The following GATM variants were observed in gnomAD, a reference collection of about 807,000 sequenced individuals.
GATM encodes the protein glycine amidinotransferase, mitochondrial.
In GATM, 23 loss-of-function variants were observed where a neutral mutation model predicts 54.2. The observed-to-expected ratio is 0.42, with a 90% confidence interval of 0.31 to 0.60. The LOEUF (loss-of-function observed/expected upper bound fraction) is 0.60. Ranked by LOEUF, GATM falls within the 20% of genes least tolerant of loss-of-function variation. GATM has a pLI of 0.14. For synonymous variants in GATM, 168 were observed against 183.1 expected (o/e 0.92, Z 0.67); for missense variants, 401 against 544.9 (o/e 0.74, Z 2.63).
At position 45,376,781 on chromosome 15, in the gene GATM, G is replaced by A. The variant is rs768569503; in HGVS notation, c.108C>T (p.Phe36=). The change falls in exon 2 of 9, where the codon TTC becomes TTT. Residue 36 remains phenylalanine, a synonymous_variant. Coordinates refer to ENST00000396659, the MANE Select transcript of GATM (RefSeq NM_001482.3). Reference sequence around the variant, plus strand: ...AAGCCGTAGCTGCCTGGGTGCTCTGGAAAGTTCGCTGCACCCATCCTGTCA... The same window carrying A: ...AAGCCGTAGCTGCCTGGGTGCTCTGAAAAGTTCGCTGCACCCATCCTGTCA... ...RTLTGWVQRT[F]QSTQAATASS... 2.5e-6 allele frequency: 4 copies of A among 1,614,118 alleles called. No homozygotes were observed. The South Asian group carries it at 4.4e-5, about 18-fold the overall frequency.
intron 3 of GATM, among the ~76,000 whole-genome samples, chr15:45,387,083 A>C (rs529004594): frequency 6.6e-6 from 1 of 152,358 alleles, no homozygotes; most frequent in East Asian, 1.9e-4. Flanking sequence ...ATAAGATGGA[A>C]ATGGAATGAC....
intron 3 of GATM, among the ~76,000 whole-genome samples, chr15:45,394,267 G>A (rs1889903250): frequency 6.6e-6 from 1 of 152,156 alleles, no homozygotes; most frequent in Non-Finnish European, 1.5e-5. Context: ...TCTAGGTTGT[G>A]CGTTCCTTAT....
chr15:45,378,724 G>A, upstream of GATM: 1 of 365,860 alleles, frequency 2.7e-6, no homozygotes, highest in East Asian at 4.8e-5. Flanking sequence ...TTTAGCCAGC[G>A]GGGCCACTGA....
intron 1 of GATM, chr15:45,377,481 T>C (rs1052311298): frequency 5.9e-6 from 2 of 339,326 alleles, no homozygotes; most frequent in African/African-American, 4.3e-5. Context: ...AGCTCAGGCG[T>C]AAATTCAAAC....
At chr15:45,376,896 G>T in intron 1 of GATM, 77 bp from the exon 2 acceptor site, 2 of 1,357,336 alleles carry the variant, frequency 1.5e-6, no homozygotes, top group Non-Finnish European at 2.1e-6. Flanking sequence ...TGGAGATGGA[G>T]TAAAAATCCA....
rs1162027085 is a variant in GATM, at chr15:45,362,300, G to C, written c.1160-79C>G. The C allele has an allele frequency of 1.1e-5, 9 of 856,066 alleles. No individual in the cohort carries two copies. In the African/African-American group the frequency reaches 1.5e-4, roughly 14 times the overall value. The allele number at this position is 856,066 out of a possible 1,614,324, so 53.0% of individuals were successfully genotyped here. ...TAGAGAAAGTAGGCCTACAGACTTG[G>C]AGGAGTCCTGTGGTTCTAATCCTTA... On this transcript the variant is annotated intron_variant, in intron 8 of 8. Transcript: ENST00000396659.
chr15:45,395,423 AACAG>A (rs912048415), intron 3 of GATM, among the ~76,000 whole-genome samples: 1 of 152,232 alleles, frequency 6.6e-6, no homozygotes, highest in African/African-American at 2.4e-5. Flanking sequence ...TATTTGAGGA[AACAG>A]ACAGATTTAA....
In GATM at chr15:45,368,169, C is replaced by T. The variant is rs759135975; in HGVS notation, c.576G>A (p.Glu192=). 4.3e-6 allele frequency: 7 copies of T among 1,614,088 alleles called. No individual in the cohort carries two copies. The highest frequency in any genetic ancestry group is 1.7e-5 in the Admixed American group (1 of 60,016). ...TGATAATTGACCTGTACGCTCGGTA[C>T]TCAAAGAAGCGTGAACGCCATGCCA... is the stretch of plus-strand genomic sequence containing the variant. The part of the protein sequence containing the change: ...APMAWRSRFF[E]YRAYRSIIKD... The change falls in exon 4 of 9, where the codon GAG becomes GAA. Residue 192 remains glutamate, a synonymous_variant. Coordinates refer to ENST00000396659, the MANE Select transcript of GATM (RefSeq NM_001482.3). This position sits in a 1 kb window ranked among gnomAD's most constrained non-coding sequence, Gnocchi z 5.1.
exon 1 of GATM, chr15:45,402,122 A>G: frequency 2.5e-6 from 1 of 405,634 alleles, no homozygotes; most frequent in African/African-American, 2.1e-5. Flanking sequence ...CCACCAAAGT[A>G]CATGCTTAAT....
At chr15:45,383,770 C>T (rs1889773212) in intron 3 of GATM, among the ~76,000 whole-genome samples, 1 of 152,106 alleles carries the variant, frequency 6.6e-6, no homozygotes, top group East Asian at 1.9e-4. Flanking sequence ...TCTCGAACTC[C>T]TGACCTCACA....
chr15:45,362,574 A>T (rs938999162), intron 8 of GATM, among the ~76,000 whole-genome samples: 1 of 152,222 alleles, frequency 6.6e-6, no homozygotes, highest in Non-Finnish European at 1.5e-5. Flanking sequence ...TAATTTTACC[A>T]TGTTAATTTA....
intron 1 of GATM, among the ~76,000 whole-genome samples, chr15:45,401,416 G>A (rs1339136603): frequency 6.6e-6 from 1 of 152,160 alleles, no homozygotes; most frequent in Non-Finnish European, 1.5e-5. Context: ...GGAAAATAGA[G>A]GTAGGAAGAT....
chr15:45,378,210 A>T (rs1018240111), intron 1 of GATM, 175 bp downstream of exon 1: 4 of 505,040 alleles, frequency 7.9e-6, no homozygotes, highest in Non-Finnish European at 1.4e-5. Flanking sequence ...GGAGCCTGCG[A>T]AGGCTCTTGA....
chr15:45,396,021 A>C (rs1400726443), intron 3 of GATM: 2 of 152,236 alleles, frequency 1.3e-5, no homozygotes, highest in Admixed American at 1.3e-4. Flanking sequence ...TTCTGTCCTT[A>C]AAGGGTTTAG....
chr15:45,362,992 G>C (rs1287642874), intron 8 of GATM, among the ~76,000 whole-genome samples: 1 of 152,154 alleles, frequency 6.6e-6, no homozygotes, highest in Non-Finnish European at 1.5e-5. Context: ...CATTCAGAAA[G>C]ACTTTCCTAG....
At chr15:45,384,328 A>C (rs1889779914) in intron 3 of GATM, among the ~76,000 whole-genome samples, 1 of 152,218 alleles carries the variant, frequency 6.6e-6, no homozygotes, top group East Asian at 1.9e-4. Context: ...TAAAGACTGC[A>C]TGGTAATGAG....
chr15:45,374,954 A>G (rs771700523), intron 2 of GATM, among the ~76,000 whole-genome samples: 1 of 152,226 alleles, frequency 6.6e-6, no homozygotes, highest in Non-Finnish European at 1.5e-5. Context: ...GGCTGTGTCT[A>G]CAATGTGGAA....
chr15:45,398,971 T>C (rs1415892933), intron 2 of GATM, among the ~76,000 whole-genome samples: 4 of 152,334 alleles, frequency 2.6e-5, no homozygotes, highest in South Asian at 2.1e-4. Context: ...TTTTGAATTA[T>C]AGACTTACAG....
At chr15:45,378,326 G>C (rs1888807456) in intron 1 of GATM, 59 bp downstream of exon 1, 1 of 1,374,488 alleles carries the variant, frequency 7.3e-7, no homozygotes, top group Admixed American at 2.2e-5. Context: ...AGTGCTCCAC[G>C]CCGCCCGCAG....
Sources: gnomAD v4.1 joint callset for allele counts (sites outside exome capture counted in the v4.1 genomes callset) on GRCh38, gnomAD v4.1.1 for gene constraint, Gnocchi (gnomAD v3.1) non-coding constraint, MANE v1.5 for transcripts, NCBI Gene and HGNC (gene_info 2026-07-23, HGNC 2026-07-21) for gene names.